Variants in PDE4D observed in about 807,000 individuals in gnomAD.
PDE4D encodes phosphodiesterase 4D, also known as 3',5'-cyclic-AMP phosphodiesterase 4D.
PDE4D carries 24 observed loss-of-function variants against 87.4 expected under a neutral mutation model. That is an observed-to-expected ratio of 0.27 (90% CI 0.20 to 0.39). The LOEUF (loss-of-function observed/expected upper bound fraction) is 0.39. PDE4D is among the 10% of genes least tolerant of loss of function. The probability of loss-of-function intolerance (pLI) is 1.00; values close to 1 mark genes in which losing one functional copy is unlikely to be tolerated. For synonymous variants in PDE4D, 384 were observed against 383.2 expected (o/e 1.00, Z -0.02); for missense variants, 714 against 1,041.0 (o/e 0.69, Z 4.32).
chr5:60,249,598 C>T (rs1748196680), intron 1 of PDE4D, among the ~76,000 whole-genome samples: 1 of 151,960 alleles, frequency 6.6e-6, no homozygotes, highest in African/African-American at 2.4e-5. Flanking sequence ...TAAGAACTCA[C>T]ACACTTTAGA....
chr5:59,200,839 C>T (rs1158781539), intron 2 of PDE4D, among the ~76,000 whole-genome samples: 1 of 151,734 alleles, frequency 6.6e-6, no homozygotes, highest in Non-Finnish European at 1.5e-5. Context: ...TAACATTTTC[C>T]CACTGCATGT....
At chr5:59,908,296 G>A (rs1322976446) in intron 3 of PDE4D, among the ~76,000 whole-genome samples, 1 of 152,046 alleles carries the variant, frequency 6.6e-6, no homozygotes, top group African/African-American at 2.4e-5. Context: ...TCTAAATGAA[G>A]ATATTAAATA....
intron 1 of PDE4D, among the ~76,000 whole-genome samples, chr5:59,883,493 A>T (rs1749740232): frequency 6.6e-6 from 1 of 152,220 alleles, no homozygotes; most frequent in Admixed American, 6.5e-5. Flanking sequence ...TGGAACTTAG[A>T]CAACAGGCCA....
intron 1 of PDE4D, among the ~76,000 whole-genome samples, chr5:59,324,248 C>T (rs552917540): frequency 2.5e-4 from 38 of 152,274 alleles, no homozygotes; most frequent in Non-Finnish European, 3.4e-4. Context: ...ACTTATGATA[C>T]TATAGTTTCT....
At chr5:60,281,336 C>G (rs571541100) in intron 1 of PDE4D, among the ~76,000 whole-genome samples, 1 of 145,192 alleles carries the variant, frequency 6.9e-6, no homozygotes, top group East Asian at 2.0e-4. Context: ...TTTGCTCTTC[C>G]TTCAGATTTC....
intron 1 of PDE4D, among the ~76,000 whole-genome samples, chr5:59,871,278 A>T (rs1747783155): frequency 1.3e-5 from 2 of 152,320 alleles, no homozygotes; most frequent in South Asian, 4.1e-4. Context: ...GACCTTGAAG[A>T]AACAAGCTTC....
At chr5:60,467,079 G>A (rs1747413577) in intron 1 of PDE4D, among the ~76,000 whole-genome samples, 1 of 150,916 alleles carries the variant, frequency 6.6e-6, no homozygotes. Flanking sequence ...TTGCTTTGTT[G>A]CCCAGGCTGG....
At chr5:59,350,580 A>G (rs1016033391) in intron 1 of PDE4D, among the ~76,000 whole-genome samples, 2 of 152,322 alleles carry the variant, frequency 1.3e-5, no homozygotes, top group Middle Eastern at 6.8e-3. Context: ...CATTCATTCA[A>G]TACACAAACG....
At chr5:59,366,530 G>A (rs1225681203) in intron 1 of PDE4D, among the ~76,000 whole-genome samples, 1 of 152,114 alleles carries the variant, frequency 6.6e-6, no homozygotes, top group Non-Finnish European at 1.5e-5. Flanking sequence ...TAAGAAAATT[G>A]TTGGTAAGTT....
intron 1 of PDE4D, among the ~76,000 whole-genome samples, chr5:60,304,950 C>T (rs1320019797): frequency 1.3e-5 from 2 of 151,812 alleles, no homozygotes; most frequent in Non-Finnish European, 2.9e-5. Context: ...AAAAAACCCA[C>T]TCAACTTGGG....
intron 5 of PDE4D, among the ~76,000 whole-genome samples, chr5:59,085,200 C>A (rs1027180037): frequency 2.0e-5 from 3 of 152,020 alleles, no homozygotes; most frequent in Middle Eastern, 3.2e-3. Flanking sequence ...GTAGTATATT[C>A]ATGTAAGGAA....
rs373802635 is a variant in PDE4D at position 60,239,622 on chromosome 5, A to G, written c.-89-53935T>C. 2.2e-4 allele frequency among the ~76,000 whole-genome samples: 33 copies of G among 152,180 alleles called. No individual in the cohort carries two copies. In the South Asian group the frequency reaches 6.9e-3, roughly 32 times the overall value. ...TTTGTGTCTTACCTTAAAATTTTGTAATTTTATTTGTAAAGATTTCTAAAA... is the reference window on the plus strand; with the variant it reads ...TTTGTGTCTTACCTTAAAATTTTGTGATTTTATTTGTAAAGATTTCTAAAA... On this transcript the variant is annotated intron_variant, in intron 1 of 16. Coordinates refer to the PDE4D transcript ENST00000502484.
At chr5:59,956,353 G>T (rs1309649386) in intron 3 of PDE4D, among the ~76,000 whole-genome samples, 1 of 152,146 alleles carries the variant, frequency 6.6e-6, no homozygotes, top group Admixed American at 6.5e-5. Flanking sequence ...TTGTCTATCA[G>T]TCCAATGCTA....
intron 2 of PDE4D, chr5:60,160,690 A>G (rs1782399665): frequency 3.3e-6 from 1 of 304,376 alleles, no homozygotes; most frequent in Non-Finnish European, 6.5e-6. Context: ...TTTCCTCAGT[A>G]CTTTGACTAT....
At chr5:60,047,747 TTC>T in intron 2 of PDE4D, among the ~76,000 whole-genome samples, 1 of 152,330 alleles carries the variant, frequency 6.6e-6, no homozygotes, top group South Asian at 2.1e-4. Context: ...TTGTTATAAT[TTC>T]TGTTTTACAT....
At chr5:59,396,061 T>G (rs1277966487) in intron 1 of PDE4D, among the ~76,000 whole-genome samples, 1 of 120,094 alleles carries the variant, frequency 8.3e-6, no homozygotes, top group African/African-American at 3.4e-5. Context: ...GAGCAAAGCC[T>G]CCAAGAAATA....
At chr5:60,135,718 G>C (rs1041901551) in intron 2 of PDE4D, among the ~76,000 whole-genome samples, 1 of 152,148 alleles carries the variant, frequency 6.6e-6, no homozygotes, top group Non-Finnish European at 1.5e-5. Flanking sequence ...AGAAAGGTCA[G>C]GGGATGAAAG....
intron 1 of PDE4D, among the ~76,000 whole-genome samples, chr5:59,303,032 C>T (rs1000595730): frequency 1.3e-5 from 2 of 152,164 alleles, no homozygotes; most frequent in Admixed American, 6.5e-5. Flanking sequence ...ATCACCCCTT[C>T]CATGCCAACA....
At chr5:59,651,181 A>G (rs1056462209) in intron 1 of PDE4D, among the ~76,000 whole-genome samples, 8 of 151,034 alleles carry the variant, frequency 5.3e-5, no homozygotes, top group African/African-American at 1.9e-4. Flanking sequence ...GCGTGAACCC[A>G]GGAGGCGGAG....
Sources: gnomAD v4.1 joint callset for allele counts (sites outside exome capture counted in the v4.1 genomes callset) on GRCh38, gnomAD v4.1.1 for gene constraint, MANE v1.5 for transcripts, NCBI Gene and HGNC (gene_info 2026-07-23, HGNC 2026-07-21) for gene names.